PDE10A: variants seen among roughly 807,000 people sequenced by gnomAD.
The protein encoded by PDE10A is cAMP and cAMP-inhibited cGMP 3',5'-cyclic phosphodiesterase 10A.
PDE10A carries 39 observed loss-of-function variants against 97.7 expected under a neutral mutation model. The observed-to-expected ratio is 0.40, with a 90% CI of 0.31 to 0.52. The LOEUF (loss-of-function observed/expected upper bound fraction) is 0.52, where lower values mean the gene tolerates loss of function less well. PDE10A is among the 20% of genes least tolerant of loss of function. The pLI, the probability that PDE10A is intolerant of heterozygous loss-of-function variation, is 0.56. For synonymous variants in PDE10A, 371 were observed against 376.8 expected, an observed-to-expected ratio of 0.98 and a Z score of 0.18; for missense variants, 731 against 1,047.8, an observed-to-expected ratio of 0.70 and a Z score of 4.17.
chr6:165,858,046 A>T (rs1040759257), intron 1 of PDE10A, among the ~76,000 whole-genome samples: 1 of 152,228 alleles, frequency 6.6e-6, no homozygotes, highest in Non-Finnish European at 1.5e-5. Context: ...AAGTAATGTT[A>T]GTTATCAGCA....
At chr6:165,683,690 G>A (rs770817768) in intron 1 of PDE10A, among the ~76,000 whole-genome samples, 44 of 152,302 alleles carry the variant, frequency 2.9e-4, no homozygotes, top group Admixed American at 1.2e-3. Flanking sequence ...CAGTCTCCTG[G>A]AGGCCCCTGA....
At chr6:165,896,117 A>G (rs1424926095) in intron 1 of PDE10A, among the ~76,000 whole-genome samples, 1 of 152,148 alleles carries the variant, frequency 6.6e-6, no homozygotes, top group Non-Finnish European at 1.5e-5. Flanking sequence ...CTGGGCTTTG[A>G]TAACCCTCTG....
At chr6:165,859,222 C>T (rs971064683) in intron 1 of PDE10A, among the ~76,000 whole-genome samples, 1 of 152,218 alleles carries the variant, frequency 6.6e-6, no homozygotes, top group Non-Finnish European at 1.5e-5. Context: ...AGGTCCTCTA[C>T]CACGTGGATT....
chr6:165,551,707 A>G (rs1460475741), intron 1 of PDE10A, among the ~76,000 whole-genome samples: 1 of 152,198 alleles, frequency 6.6e-6, no homozygotes, highest in Non-Finnish European at 1.5e-5. Flanking sequence ...ACACTTTAAC[A>G]GGAGTGTTAT....
upstream of PDE10A, among the ~76,000 whole-genome samples, chr6:165,664,879 A>G (rs1474120227): frequency 1.3e-5 from 2 of 152,252 alleles, no homozygotes; most frequent in African/African-American, 4.8e-5. Context: ...GAGTTACTAA[A>G]TCTATTTTTC....
intron 18 of PDE10A, among the ~76,000 whole-genome samples, chr6:165,374,104 T>C (rs1784450382): frequency 7.3e-6 from 1 of 136,220 alleles, no homozygotes; most frequent in Non-Finnish European, 1.6e-5. Flanking sequence ...GGGGGAGGGA[T>C]AGCATTAGGA....
intron 1 of PDE10A, among the ~76,000 whole-genome samples, chr6:165,887,193 G>A (rs1781652893): frequency 6.6e-6 from 1 of 152,170 alleles, no homozygotes; most frequent in South Asian, 2.1e-4. Context: ...CATCAGGGGT[G>A]AAGAAGGAGC....
At chr6:165,928,542 T>A (rs1783018856) in intron 1 of PDE10A, among the ~76,000 whole-genome samples, 1 of 152,118 alleles carries the variant, frequency 6.6e-6, no homozygotes. Context: ...TTGCTATTCA[T>A]CTGGAATGAC....
chr6:165,401,246 CAT>C (rs546349788), intron 13 of PDE10A, among the ~76,000 whole-genome samples: 3 of 152,220 alleles, frequency 2.0e-5, no homozygotes, highest in South Asian at 2.1e-4. Context: ...GTATACATGA[CAT>C]ATAAATTTCA....
intron 3 of PDE10A, among the ~76,000 whole-genome samples, chr6:165,451,279 C>G (rs73245676): frequency 5.1e-4 from 78 of 152,290 alleles, no homozygotes; most frequent in African/African-American, 1.8e-3. Flanking sequence ...TGTCAACCCC[C>G]ACCCTGCTCC....
At chr6:165,401,453 T>C (rs745680754) in intron 13 of PDE10A, among the ~76,000 whole-genome samples, 5 of 152,218 alleles carry the variant, frequency 3.3e-5, no homozygotes, top group Non-Finnish European at 5.9e-5. Context: ...TAGAAGAAGT[T>C]AGCAAATTTG....
intron 1 of PDE10A, among the ~76,000 whole-genome samples, chr6:165,608,536 A>T (rs1787337311): frequency 6.6e-6 from 1 of 152,010 alleles, no homozygotes; most frequent in Non-Finnish European, 1.5e-5. Context: ...GTTGGTTCCA[A>T]GTCTTTGCTA....
At chr6:165,925,684 A>T (rs1782911862) in intron 1 of PDE10A, among the ~76,000 whole-genome samples, 1 of 152,366 alleles carries the variant, frequency 6.6e-6, no homozygotes, top group Non-Finnish European at 1.5e-5. Flanking sequence ...GAGAGGGAGA[A>T]CTAAAAAACA....
At chr6:165,429,666 C>T (rs914099216) in intron 9 of PDE10A, among the ~76,000 whole-genome samples, 2 of 151,822 alleles carry the variant, frequency 1.3e-5, no homozygotes, top group Admixed American at 6.6e-5. Context: ...CACATCCCGG[C>T]GCATATTTTA....
intron 18 of PDE10A, 87 bp from the exon 19 acceptor site, chr6:165,343,589 A>C (rs1470578825): frequency 6.5e-6 from 6 of 917,620 alleles, no homozygotes; most frequent in Admixed American, 3.6e-5. Flanking sequence ...TCAGGAGTGA[A>C]GTTTAAGTAT....
At chr6:165,851,044 G>A (rs1780558164) in intron 1 of PDE10A, among the ~76,000 whole-genome samples, 1 of 152,156 alleles carries the variant, frequency 6.6e-6, no homozygotes, top group South Asian at 2.1e-4. Flanking sequence ...AAGGGAACAG[G>A]TAGAATCAAG....
At chr6:165,777,634 A>G (rs1444486222) in intron 1 of PDE10A, among the ~76,000 whole-genome samples, 1 of 152,250 alleles carries the variant, frequency 6.6e-6, no homozygotes, top group African/African-American at 2.4e-5. Flanking sequence ...ATGCCGGCTG[A>G]GCAAAACCAC....
chr6:165,582,589 A>G (rs921081349), intron 1 of PDE10A, among the ~76,000 whole-genome samples: 3 of 152,008 alleles, frequency 2.0e-5, no homozygotes, highest in Non-Finnish European at 4.4e-5. Flanking sequence ...AAAAAACTGA[A>G]TATAAAAATT....
chr6:165,652,883 A>C (rs1041826750), intron 1 of PDE10A, among the ~76,000 whole-genome samples: 2 of 152,210 alleles, frequency 1.3e-5, no homozygotes, highest in Non-Finnish European at 2.9e-5. Context: ...CCAGGAAATG[A>C]AGCTGAGGCA....
Sources: gnomAD v4.1 joint callset for allele counts (sites outside exome capture counted in the v4.1 genomes callset) on GRCh38, gnomAD v4.1.1 for gene constraint, MANE v1.5 for transcripts, NCBI Gene and HGNC (gene_info 2026-07-23, HGNC 2026-07-21) for gene names.